Variants in STIM2 observed in about 807,000 individuals in gnomAD.
STIM2 encodes stromal interaction molecule 2.
A neutral mutation model predicts 85.8 loss-of-function variants in STIM2; 31 were observed. The observed-to-expected ratio is 0.36, with a 90% CI of 0.27 to 0.49. The LOEUF (loss-of-function observed/expected upper bound fraction) is 0.49, where lower values mean the gene tolerates loss of function less well. Ranked by LOEUF, STIM2 falls within the 20% of genes least tolerant of loss-of-function variation. The pLI, the probability that STIM2 is intolerant of heterozygous loss-of-function variation, is 0.98. For missense variants in STIM2, 841 were observed against 927.6 expected (o/e 0.91, Z 1.21); for synonymous variants, 356 against 331.1 (o/e 1.08, Z -0.82).
chr4:26,999,392 T>C, intron 5 of STIM2, 45 bp downstream of exon 5: 1 of 1,195,520 alleles, frequency 8.4e-7, no homozygotes, highest in East Asian at 2.7e-5. Context: ...AAGAATATCC[T>C]GATCATCTCT....
At chr4:26,957,572 T>C in intron 2 of STIM2, 40 bp from the exon 3 acceptor site, 1 of 1,167,364 alleles carries the variant, frequency 8.6e-7, no homozygotes, top group Non-Finnish European at 1.2e-6. Context: ...AAGACTAAGG[T>C]AATGAATTTA....
intron 2 of STIM2, among the ~76,000 whole-genome samples, chr4:26,934,745 C>T (rs1052744239): frequency 6.6e-6 from 1 of 151,950 alleles, no homozygotes; most frequent in African/African-American, 2.4e-5. Flanking sequence ...GAAACCCTGT[C>T]TCTACACAAA....
chr4:26,907,076 G>A (rs1724158836), intron 1 of STIM2, among the ~76,000 whole-genome samples: 1 of 152,138 alleles, frequency 6.6e-6, no homozygotes, highest in Admixed American at 6.5e-5. Context: ...AGTTGTTGGA[G>A]TAAGTGCGGG....
intron 1 of STIM2, among the ~76,000 whole-genome samples, chr4:26,866,232 C>T (rs1305739451): frequency 2.0e-5 from 3 of 152,130 alleles, no homozygotes; most frequent in African/African-American, 4.8e-5. Flanking sequence ...TCTTTATCTT[C>T]ATATAGTAGA....
chr4:27,008,262 A>G (rs1360955855), intron 8 of STIM2, among the ~76,000 whole-genome samples, 166 bp from the exon 9 acceptor site: 3 of 152,130 alleles, frequency 2.0e-5, no homozygotes, highest in Non-Finnish European at 1.5e-5. Context: ...TTTCTCCCTC[A>G]TCTGTTTTCT....
rs1723218227 is a variant in STIM2, at chr4:26,885,859, A to ATATATATATATG, written c.151+24501_151+24502insGTATATATATAT. Among the ~76,000 whole-genome samples the ATATATATATATG allele has an allele frequency of 5.8e-4, 52 of 89,410 alleles. 2 individuals are homozygous for ATATATATATATG. Among genetic ancestry groups the ATATATATATATG allele is most frequent in the Admixed American group, 9.4e-4 (8 of 8,476 alleles). The allele number at this position is 89,410 out of a possible 152,430, so 58.7% of individuals were successfully genotyped here. On this transcript the variant is annotated intron_variant, in intron 1 of 11. Transcript: ENST00000467087. ...TATATATATATATATATATATATAT[A>ATATATATATATG]TATATATATATATATGTATATGTCT...
intron 1 of STIM2, among the ~76,000 whole-genome samples, chr4:26,909,035 C>T (rs931358532): frequency 3.3e-5 from 5 of 152,084 alleles, no homozygotes; most frequent in Admixed American, 6.5e-5. Flanking sequence ...GCTATGATTG[C>T]GCCACTGTGC....
chr4:26,996,107 A>G lies in STIM2; in HGVS notation c.509+617A>G, dbSNP rs555281585. Among the ~76,000 whole-genome samples the G allele has an allele frequency of 3.3e-5, 5 of 152,180 alleles. No homozygotes were observed. In the East Asian group the frequency reaches 9.6e-4, roughly 29 times the overall value. ...TTTGCCCAAGGCAGCATTTAAACCC[A>G]GATAGATTTGATAGCAAAGTCCAGG... On this transcript the variant is annotated intron_variant, in intron 4 of 11. Transcript: ENST00000467087.
chr4:26,939,463 T>A (rs1725517736), intron 2 of STIM2, among the ~76,000 whole-genome samples: 2 of 152,198 alleles, frequency 1.3e-5, no homozygotes, highest in East Asian at 1.9e-4. Context: ...TTACTGGATC[T>A]AAAGGGCTGA....
At chr4:26,907,049 A>G (rs886875839) in intron 1 of STIM2, among the ~76,000 whole-genome samples, 2 of 152,152 alleles carry the variant, frequency 1.3e-5, no homozygotes, top group Non-Finnish European at 2.9e-5. Flanking sequence ...AGTCTCAGGC[A>G]TTTGGGATAG....
rs1342607752 is a variant in STIM2, at chr4:26,862,316, TG to T, written c.151+949del. On this transcript the variant is annotated intron_variant, in intron 1 of 11. Coordinates refer to ENST00000467087, the MANE Select transcript of STIM2 (RefSeq NM_020860.4). ...GGGAAAAGTAATGGAGCTAAAATAATGGTTTTTTTTTTTTTTTTTAGTATTT... is the reference window on the plus strand; with the variant it reads ...GGGAAAAGTAATGGAGCTAAAATAATGTTTTTTTTTTTTTTTTTAGTATTT... Among the ~76,000 whole-genome samples, 719 of 69,168 alleles carry T rather than the reference TG, an allele frequency of 0.01. 4 individuals carry two copies. The Middle Eastern group carries it at 0.14, about 14-fold the overall frequency. 45.4% of individuals were successfully genotyped at this position (69,168 alleles called of 152,430 possible).
chr4:26,909,904 G>T (rs1263516811), intron 1 of STIM2, among the ~76,000 whole-genome samples: 1 of 152,202 alleles, frequency 6.6e-6, no homozygotes, highest in East Asian at 1.9e-4. Flanking sequence ...GGCCAGTGCT[G>T]CTTGGAATCC....
chr4:26,944,629 C>T (rs1180979348), intron 2 of STIM2, among the ~76,000 whole-genome samples: 1 of 152,180 alleles, frequency 6.6e-6, no homozygotes, highest in African/African-American at 2.4e-5. Flanking sequence ...AAGGAGCTCA[C>T]ACTAGTATTG....
intron 1 of STIM2, among the ~76,000 whole-genome samples, chr4:26,887,075 T>G (rs552856750): frequency 6.6e-6 from 1 of 152,238 alleles, no homozygotes; most frequent in South Asian, 2.1e-4. Context: ...ACATAAAAGC[T>G]TATGCCTTTA....
chr4:27,018,468 G>A (rs934821905), intron 11 of STIM2, among the ~76,000 whole-genome samples: 1 of 152,082 alleles, frequency 6.6e-6, no homozygotes, highest in African/African-American at 2.4e-5. Flanking sequence ...TCCAACTTCC[G>A]TCTCTCTGAT....
intron 1 of STIM2, among the ~76,000 whole-genome samples, chr4:26,909,297 T>C (rs189756735): frequency 4.6e-5 from 7 of 152,350 alleles, no homozygotes. Context: ...TACATTGATA[T>C]ATCATGTAAT....
chr4:27,021,057 C>CAAA, intron 11 of STIM2: 3 of 1,163,274 alleles, frequency 2.6e-6, no homozygotes, highest in Admixed American at 5.1e-5. Context: ...GTAAAGCTCT[C>CAAA]AAAAAAAAAA....
chr4:26,961,982 C>T (rs1364074442), intron 3 of STIM2, among the ~76,000 whole-genome samples: 1 of 152,140 alleles, frequency 6.6e-6, no homozygotes. Context: ...AGCTCCTGGC[C>T]TCAAGCAGTC....
intron 1 of STIM2, chr4:26,881,668 C>A (rs1320921424): frequency 1.3e-5 from 2 of 152,122 alleles, no homozygotes; most frequent in African/African-American, 4.8e-5. Context: ...TTTGTTATAG[C>A]AACCTGAGTG....
Sources: allele counts gnomAD v4.1 joint callset (sites outside exome capture counted in the v4.1 genomes callset), GRCh38; gene constraint gnomAD v4.1.1; transcripts MANE v1.5; gene names NCBI Gene and HGNC (gene_info 2026-07-23, HGNC 2026-07-21).